Variants in ZNF804A observed in about 807,000 individuals in gnomAD.
ZNF804A encodes the protein zinc finger protein 804A.
Under a neutral mutation model 16.5 loss-of-function variants are expected in ZNF804A, and 2 were observed. That is an observed-to-expected ratio of 0.12 (90% confidence interval 0.05 to 0.38). The LOEUF (loss-of-function observed/expected upper bound fraction) is 0.38. ZNF804A is among the 10% of genes least tolerant of loss of function. The probability of loss-of-function intolerance (pLI) is 0.99; values close to 1 mark genes in which losing one functional copy is unlikely to be tolerated. For synonymous variants in ZNF804A, 534 were observed against 489.6 expected (o/e 1.09, Z -1.20); for missense variants, 1,473 against 1,390.7 (o/e 1.06, Z -0.94).
intron 2 of ZNF804A, among the ~76,000 whole-genome samples, chr2:184,870,212 G>A (rs1345947880): frequency 6.6e-6 from 1 of 151,900 alleles, no homozygotes; most frequent in Non-Finnish European, 1.5e-5. Context: ...CCAGAGTAAA[G>A]CAAAGTGCAA....
chr2:184,888,476 T>G lies in ZNF804A; in HGVS notation c.255+21964T>G, dbSNP rs542984164. Among the ~76,000 whole-genome samples the G allele has an allele frequency of 2.6e-5, 4 of 152,238 alleles. No individual in the cohort carries two copies. In the East Asian group the frequency reaches 7.8e-4, roughly 30 times the overall value. On this transcript the variant is annotated intron_variant, in intron 2 of 3. Transcript: ENST00000302277. ...TCCACTAAAGCATCCACCTTGTTAT[T>G]TAGATCCCTTGCTCAATTTGGTTCT... is the stretch of plus-strand genomic sequence containing the variant.
At chr2:184,741,827 T>G (rs1693712944) in intron 1 of ZNF804A, among the ~76,000 whole-genome samples, 1 of 152,132 alleles carries the variant, frequency 6.6e-6, no homozygotes, top group Admixed American at 6.6e-5. Context: ...AACTGGTCAT[T>G]CTTCTAGAAG....
chr2:184,832,819 T>C (rs1328574816), intron 1 of ZNF804A, among the ~76,000 whole-genome samples: 1 of 152,008 alleles, frequency 6.6e-6, no homozygotes, highest in Admixed American at 6.6e-5. Flanking sequence ...TTGTGTTTTA[T>C]ACTTTTTCCA....
intron 1 of ZNF804A, among the ~76,000 whole-genome samples, chr2:184,768,127 A>G (rs927911354): frequency 5.9e-5 from 9 of 152,080 alleles, no homozygotes; most frequent in Admixed American, 3.9e-4. Context: ...CAACAGTAAA[A>G]AATACAAACT....
chr2:184,780,613 G>A (rs1694358237), intron 1 of ZNF804A, among the ~76,000 whole-genome samples: 1 of 151,730 alleles, frequency 6.6e-6, no homozygotes, highest in Non-Finnish European at 1.5e-5. Context: ...AACCTGATGG[G>A]AGTCAAGGCA....
At chr2:184,926,368 T>C (rs1289742317) in intron 2 of ZNF804A, among the ~76,000 whole-genome samples, 1 of 152,084 alleles carries the variant, frequency 6.6e-6, no homozygotes, top group African/African-American at 2.4e-5. Flanking sequence ...TGGCTGCTAC[T>C]GGACATGTTG....
At chr2:184,769,360 A>C (rs773679791) in intron 1 of ZNF804A, among the ~76,000 whole-genome samples, 6 of 152,030 alleles carry the variant, frequency 3.9e-5, no homozygotes, top group Non-Finnish European at 8.8e-5. Context: ...GGACATACCT[A>C]TGTATCATTT....
chr2:184,641,128 T>C (rs1691789929), intron 1 of ZNF804A, among the ~76,000 whole-genome samples: 2 of 152,126 alleles, frequency 1.3e-5, no homozygotes, highest in South Asian at 4.1e-4. Flanking sequence ...CTAATATTTG[T>C]ATTTTTGGTA....
chr2:184,933,833 C>T, intron 3 of ZNF804A, 100 bp downstream of exon 3: 3 of 1,224,770 alleles, frequency 2.4e-6, no homozygotes, highest in Non-Finnish European at 3.3e-6. Flanking sequence ...TATTACTGTA[C>T]CCAGAATAAG....
chr2:184,609,367 A>G (rs1361593414), intron 1 of ZNF804A, among the ~76,000 whole-genome samples: 1 of 151,928 alleles, frequency 6.6e-6, no homozygotes, highest in Non-Finnish European at 1.5e-5. Flanking sequence ...TTCTCTCCTG[A>G]CTCCTGTTGA....
rs117192417 is a variant in ZNF804A at position 184,625,866 on chromosome 2, A to G, written c.111+26796A>G. On this transcript the variant is annotated intron_variant, in intron 1 of 3. Coordinates refer to ENST00000302277, the MANE Select transcript of ZNF804A (RefSeq NM_194250.2). ...CTAACTTTGAGGATTTCTTTTTTTA[A>G]TTTTATTTATTATTTTTTTTGAGAC... Among the ~76,000 whole-genome samples the G allele has an allele frequency of 2.4e-4, 36 of 151,998 alleles. No homozygotes were observed. In the East Asian group the frequency reaches 6.8e-3, roughly 29 times the overall value.
intron 1 of ZNF804A, among the ~76,000 whole-genome samples, chr2:184,701,003 A>T (rs1236901783): frequency 6.6e-6 from 1 of 151,990 alleles, no homozygotes; most frequent in African/African-American, 2.4e-5. Context: ...ATTTGGAAAA[A>T]TAAAATACAT....
chr2:184,930,145 A>C (rs1685672804), intron 2 of ZNF804A, among the ~76,000 whole-genome samples: 1 of 152,184 alleles, frequency 6.6e-6, no homozygotes, highest in Admixed American at 6.5e-5. Context: ...TATCTGTTGA[A>C]TGAGTCTTGA....
chr2:184,844,971 T>A (rs989237822), intron 1 of ZNF804A, among the ~76,000 whole-genome samples: 5 of 152,056 alleles, frequency 3.3e-5, no homozygotes, highest in Non-Finnish European at 7.4e-5. Context: ...TTTCAGTTTG[T>A]TCAGATTCTA....
At chr2:184,900,909 C>T (rs1685170240) in intron 2 of ZNF804A, among the ~76,000 whole-genome samples, 1 of 152,142 alleles carries the variant, frequency 6.6e-6, no homozygotes, top group African/African-American at 2.4e-5. Context: ...GTTAATGACT[C>T]CCACTTTTTC....
Position 184,870,890 on chromosome 2 carries a change from T to A in ZNF804A, c.255+4378T>A, listed in dbSNP as rs536198690. Among the ~76,000 whole-genome samples, 5 of 152,040 alleles carry A rather than the reference T, an allele frequency of 3.3e-5. No individual in the cohort carries two copies. The South Asian group carries it at 6.2e-4, about 19-fold the overall frequency. ...TCCTTCAGAAGAGTAATGCTACTGA[T>A]GATAATAATAGCAACAATTTACATA... is the stretch of plus-strand genomic sequence containing the variant. On this transcript the variant is annotated intron_variant, in intron 2 of 3. Coordinates refer to ENST00000302277, the MANE Select transcript of ZNF804A (RefSeq NM_194250.2).
chr2:184,688,744 C>A (rs990827347), intron 1 of ZNF804A, among the ~76,000 whole-genome samples: 19 of 151,908 alleles, frequency 1.3e-4, no homozygotes, highest in Admixed American at 1.3e-4. Context: ...TTTCTTTGTG[C>A]TAAAAGGAAC....
intron 1 of ZNF804A, among the ~76,000 whole-genome samples, chr2:184,755,057 G>C (rs970812684): frequency 5.9e-5 from 9 of 151,860 alleles, no homozygotes; most frequent in Non-Finnish European, 1.3e-4. Context: ...GATGAGATTT[G>C]CGTGGGGACA....
chr2:184,845,542 A>G (rs1407057375), intron 1 of ZNF804A, among the ~76,000 whole-genome samples: 5 of 152,088 alleles, frequency 3.3e-5, no homozygotes, highest in African/African-American at 1.2e-4. Flanking sequence ...CAGAAAGGCT[A>G]TGGGGTCTGG....
Sources: gnomAD v4.1 joint callset for allele counts (sites outside exome capture counted in the v4.1 genomes callset) on GRCh38, gnomAD v4.1.1 for gene constraint, MANE v1.5 for transcripts, NCBI Gene and HGNC (gene_info 2026-07-23, HGNC 2026-07-21) for gene names.